Variants in SLCO5A1 observed in about 807,000 individuals in gnomAD.
SLCO5A1 encodes the protein organic anion transporter polypeptide-related protein 4.
Under a neutral mutation model 65.1 loss-of-function variants are expected in SLCO5A1, and 39 were observed. The observed-to-expected ratio is 0.60, with a 90% CI of 0.46 to 0.78. SLCO5A1 has a LOEUF of 0.78. Ranked by LOEUF, SLCO5A1 falls within the 30% of genes least tolerant of loss-of-function variation. The pLI is 0.00. For missense variants in SLCO5A1, 1,029 were observed against 1,069.4 expected, an observed-to-expected ratio of 0.96 and a Z score of 0.53; for synonymous variants, 438 against 415.7, an observed-to-expected ratio of 1.05 and a Z score of -0.65.
At chr8:69,692,962 G>A (rs867462035) in intron 6 of SLCO5A1, among the ~76,000 whole-genome samples, 13 of 152,158 alleles carry the variant, frequency 8.5e-5, no homozygotes, top group African/African-American at 3.1e-4. Flanking sequence ...CAAGTTCTAT[G>A]TACTCTACAC....
intron 2 of SLCO5A1, among the ~76,000 whole-genome samples, chr8:69,824,865 G>A (rs1820803722): frequency 6.6e-6 from 1 of 152,142 alleles, no homozygotes; most frequent in Non-Finnish European, 1.5e-5. Flanking sequence ...GAACATTGAT[G>A]CAAAAATCCT....
At chr8:69,688,733 A>G (rs902955344) in intron 6 of SLCO5A1, among the ~76,000 whole-genome samples, 3 of 152,138 alleles carry the variant, frequency 2.0e-5, no homozygotes, top group Non-Finnish European at 4.4e-5. Context: ...AATCCAGTCT[A>G]TCATTGTTGG....
At chr8:69,758,949 G>A (rs1304019515) in intron 3 of SLCO5A1, among the ~76,000 whole-genome samples, 1 of 152,162 alleles carries the variant, frequency 6.6e-6, no homozygotes, top group Non-Finnish European at 1.5e-5. Context: ...AGCTCTCACT[G>A]ACTCTGAGGC....
intron 3 of SLCO5A1, among the ~76,000 whole-genome samples, chr8:69,756,122 A>G (rs115671707): frequency 0.036 from 5,496 of 152,268 alleles, 207 homozygotes; most frequent in African/African-American, 0.092. Flanking sequence ...TTCTGCAAAC[A>G]CTTAAGAATG....
At chr8:69,784,825 A>AAGAAAGAAAGAT (rs1818947841) in intron 2 of SLCO5A1, among the ~76,000 whole-genome samples, 2 of 136,904 alleles carry the variant, frequency 1.5e-5, no homozygotes, top group Non-Finnish European at 3.1e-5. Flanking sequence ...GAAAGAAAGA[A>AAGAAAGAAAGAT]AGAAAGAAAG....
At chr8:69,786,520 T>C (rs1379593187) in intron 2 of SLCO5A1, among the ~76,000 whole-genome samples, 1 of 152,228 alleles carries the variant, frequency 6.6e-6, no homozygotes, top group African/African-American at 2.4e-5. Context: ...TTTTCACAAG[T>C]GCAATGCATC....
At position 69,679,403 on chromosome 8, in the gene SLCO5A1, G is replaced by C. The variant is rs1232225355; in HGVS notation, c.1999C>G (p.Pro667Ala). ...CTGAGTGTTACTATGATAGCTGATG[G>C]TTGGGCACATGCTGTGATGAAGGTG... ...IVTFITACAQ[P>A]SAIIVTLRSV... Residue 667 changes from proline (P) to alanine (A), a missense_variant, in exon 8 of 10, where the codon CCA becomes GCA. Pro to Ala is a conservative substitution (Grantham distance 27). Transcript: ENST00000260126. The C allele has an allele frequency of 6.2e-7, 1 of 1,614,198 alleles. No homozygotes were observed. Among genetic ancestry groups the C allele is most frequent in the East Asian group, 2.2e-5 (1 of 44,884 alleles).
At chr8:69,747,205 A>G (rs1361404972) in intron 4 of SLCO5A1, among the ~76,000 whole-genome samples, 1 of 152,148 alleles carries the variant, frequency 6.6e-6, no homozygotes, top group African/African-American at 2.4e-5. Context: ...AATTTATTCT[A>G]CCAGCGGTAT....
chr8:69,808,699 G>A (rs113412110), intron 2 of SLCO5A1, among the ~76,000 whole-genome samples: 2,060 of 152,216 alleles, frequency 0.014, 31 homozygotes, highest in African/African-American at 0.047. Flanking sequence ...TGAGATTGCC[G>A]GGTCAAATGG....
intron 6 of SLCO5A1, among the ~76,000 whole-genome samples, chr8:69,703,321 C>T (rs1171428712): frequency 6.6e-6 from 1 of 152,178 alleles, no homozygotes; most frequent in Admixed American, 6.5e-5. Flanking sequence ...ATTTATCCTG[C>T]ACATACAGAG....
At chr8:69,724,617 G>A (rs1563684748) in intron 5 of SLCO5A1, among the ~76,000 whole-genome samples, 1 of 152,164 alleles carries the variant, frequency 6.6e-6, no homozygotes, top group Non-Finnish European at 1.5e-5. Context: ...TTGTGAGACG[G>A]TTCAGCAAAA....
At chr8:69,706,943 T>A (rs575571351) in intron 5 of SLCO5A1, among the ~76,000 whole-genome samples, 1 of 152,022 alleles carries the variant, frequency 6.6e-6, no homozygotes, top group African/African-American at 2.4e-5. Context: ...AGGTCAGGAG[T>A]TCGAGACCAG....
In SLCO5A1 at chr8:69,832,492, A is replaced by T. The variant is rs1821213041; in HGVS notation, c.182T>A (p.Phe61Tyr). ...GTGGCCCGAAGAATCCACACAGCCA[A>T]AGGCCGGGTTGGCGTCTCCACTAGT... ...SPTSGDANPA[F>Y]GCVDSSGHQE... The change falls in exon 2 of 10, where the codon TTT becomes TAT. Residue 61 changes from phenylalanine to tyrosine, a missense_variant. By Grantham distance (22) the Phe-to-Tyr change is conservative. Around this residue, in one of 3 missense-constraint regions of SLCO5A1, gnomAD observed 647 missense variants for 647.5 expected, o/e 1.00. Transcript: ENST00000260126. This position sits in a 1 kb window ranked among gnomAD's most constrained non-coding sequence, Gnocchi z 4.5. The T allele has an allele frequency of 6.2e-7, 1 of 1,611,032 alleles. No homozygotes were observed. The highest frequency in any genetic ancestry group is 1.3e-5 in the African/African-American group (1 of 74,836).
At chr8:69,784,968 A>C (rs1363221296) in intron 2 of SLCO5A1, among the ~76,000 whole-genome samples, 3 of 150,876 alleles carry the variant, frequency 2.0e-5, no homozygotes, top group African/African-American at 7.3e-5. Flanking sequence ...GAAGGAAGAA[A>C]GAAAGAGAAA....
At chr8:69,812,670 CA>C (rs1222026311) in intron 2 of SLCO5A1, among the ~76,000 whole-genome samples, 1 of 152,114 alleles carries the variant, frequency 6.6e-6, no homozygotes, top group Non-Finnish European at 1.5e-5. Context: ...CTGAAGCCAG[CA>C]ATTTAGAGTA....
chr8:69,692,269 AAAT>A (rs1164613903), intron 6 of SLCO5A1, among the ~76,000 whole-genome samples: 7 of 152,174 alleles, frequency 4.6e-5, no homozygotes, highest in African/African-American at 1.7e-4. Context: ...AAAGTATAAA[AAAT>A]AAAAAATGAT....
chr8:69,784,926 GA>G (rs1189797914), intron 2 of SLCO5A1, among the ~76,000 whole-genome samples: 1 of 119,742 alleles, frequency 8.4e-6, no homozygotes, highest in Non-Finnish European at 1.7e-5. Context: ...AAGAAAGAAA[GA>G]AAGAAAGAAA....
chr8:69,765,266 A>G (rs1322569998), intron 2 of SLCO5A1, among the ~76,000 whole-genome samples: 2 of 152,022 alleles, frequency 1.3e-5, no homozygotes, highest in East Asian at 1.9e-4. Flanking sequence ...AACTACATAT[A>G]TGTGTATATG....
At chr8:69,799,428 A>G (rs28688803) in intron 2 of SLCO5A1, among the ~76,000 whole-genome samples, 2,149 of 152,292 alleles carry the variant, frequency 0.014, 40 homozygotes, top group African/African-American at 0.049. Context: ...TATGCAACTA[A>G]CAAAAACTAC....
Sources: gnomAD v4.1 joint callset for allele counts (sites outside exome capture counted in the v4.1 genomes callset) on GRCh38, gnomAD v4.1.1 for gene constraint, gnomAD v4.1.1 regional missense constraint, Gnocchi (gnomAD v3.1) non-coding constraint, MANE v1.5 for transcripts, NCBI Gene and HGNC (gene_info 2026-07-23, HGNC 2026-07-21) for gene names.